Variants in KLF8 observed in about 807,000 individuals in gnomAD.
KLF8 encodes Krueppel-like factor 8.
In KLF8, 10 loss-of-function variants were observed where a neutral mutation model predicts 18.2. That is an observed-to-expected ratio of 0.55 (90% confidence interval 0.34 to 0.93). The LOEUF (loss-of-function observed/expected upper bound fraction) is 0.93. KLF8 is among the 40% of genes least tolerant of loss of function. The pLI is 0.02. For synonymous variants in KLF8, 109 were observed against 97.3 expected, an observed-to-expected ratio of 1.12 and a Z score of -0.71; for missense variants, 264 against 277.9, an observed-to-expected ratio of 0.95 and a Z score of 0.36.
the KLF8 span, among the ~76,000 whole-genome samples, chrX:55,956,924 G>A: frequency 1.8e-5 from 2 of 111,187 alleles, no homozygotes; most frequent in Non-Finnish European, 3.8e-5. Context: ...GTCCATTTTT[G>A]TTTTGATTTC....
At chrX:56,084,160 C>A in the KLF8 span, among the ~76,000 whole-genome samples, 2 of 111,281 alleles carry the variant, frequency 1.8e-5, no homozygotes, top group Non-Finnish European at 1.9e-5. Flanking sequence ...GTAGGAGGAT[C>A]ACTTGAGCCT....
the KLF8 span, among the ~76,000 whole-genome samples, chrX:55,985,404 T>A: frequency 8.9e-6 from 1 of 112,043 alleles, no homozygotes; most frequent in Non-Finnish European, 1.9e-5. Context: ...TTGCTTGTTA[T>A]TGTCAGGTTT....
the KLF8 span, among the ~76,000 whole-genome samples, chrX:55,919,338 C>A: frequency 8.9e-6 from 1 of 111,840 alleles, no homozygotes; most frequent in Non-Finnish European, 1.9e-5. Context: ...CCAAGAACTA[C>A]CACAGGAACA....
the KLF8 span, among the ~76,000 whole-genome samples, chrX:56,221,967 G>T: frequency 1.4e-4 from 16 of 111,323 alleles, no homozygotes; most frequent in South Asian, 5.7e-3. Flanking sequence ...CGATTGGTCC[G>T]TTTTGACAGG....
At chrX:55,945,279 G>T in the KLF8 span, among the ~76,000 whole-genome samples, 1 of 110,797 alleles carries the variant, frequency 9.0e-6, no homozygotes, top group Non-Finnish European at 1.9e-5. Flanking sequence ...AATAGGTGTG[G>T]TGTGGTGCTG....
the KLF8 span, among the ~76,000 whole-genome samples, chrX:56,106,357 C>T: frequency 8.9e-6 from 1 of 112,232 alleles, no homozygotes; most frequent in African/African-American, 3.2e-5. Context: ...GTACACCAAT[C>T]AGACGTAGAG....
the KLF8 span, among the ~76,000 whole-genome samples, chrX:56,055,012 G>T: frequency 2.7e-5 from 3 of 111,595 alleles, no homozygotes; most frequent in Non-Finnish European, 3.8e-5. Context: ...TTGCCAATGG[G>T]TCTTGGAATT....
the KLF8 span, among the ~76,000 whole-genome samples, chrX:55,957,784 C>T: frequency 1.8e-5 from 2 of 110,813 alleles, no homozygotes; most frequent in African/African-American, 6.5e-5. Context: ...CAGAATATTT[C>T]TATGCAGAAT....
In KLF8 at chrX:56,233,043, C is replaced by T. The variant is rs1782212002; in HGVS notation, c.-292C>T. The T allele has an allele frequency of 2.8e-5, 10 of 358,983 alleles. No individual in the cohort carries two copies. Among genetic ancestry groups the T allele is most frequent in the Admixed American group, 2.6e-4 (6 of 23,117 alleles). The allele number at this position is 358,983 out of a possible 1,213,427, so 29.6% of individuals were successfully genotyped here. On this transcript the variant is annotated 5_prime_UTR_variant, in exon 1 of 6. Transcript: ENST00000468660. ...GATTCTTTTTAGGAAGTCTACTCTG[C>T]CGGCCCCTGATTTTTGGGTTGGATG...
upstream of KLF8, among the ~76,000 whole-genome samples, chrX:56,230,768 G>T (rs1395750067): frequency 9.0e-6 from 1 of 110,871 alleles, no homozygotes; most frequent in Non-Finnish European, 1.9e-5. Context: ...ATATAACTTG[G>T]CATCCAAGTT....
chrX:56,002,299 T>C, the KLF8 span, among the ~76,000 whole-genome samples: 1 of 111,863 alleles, frequency 8.9e-6, no homozygotes, highest in Non-Finnish European at 1.9e-5. Context: ...ACTGTTTTAG[T>C]TTTTACTCAA....
chrX:56,189,341 G>A, the KLF8 span, among the ~76,000 whole-genome samples: 1 of 111,864 alleles, frequency 8.9e-6, no homozygotes, highest in African/African-American at 3.3e-5. Context: ...ACACCAGTTA[G>A]AATGGCAATC....
chrX:56,025,001 A>G, the KLF8 span, among the ~76,000 whole-genome samples: 1 of 112,605 alleles, frequency 8.9e-6, no homozygotes, highest in Admixed American at 9.3e-5. Flanking sequence ...TGAGACTTTT[A>G]GAACCCAGAA....
chrX:56,034,292 T>C, the KLF8 span, among the ~76,000 whole-genome samples: 1 of 112,253 alleles, frequency 8.9e-6, no homozygotes, highest in African/African-American at 3.2e-5. Flanking sequence ...CATTGTATAT[T>C]ATTGGCATCT....
chrX:56,174,554 T>A, the KLF8 span, among the ~76,000 whole-genome samples: 1 of 111,757 alleles, frequency 8.9e-6, no homozygotes, highest in South Asian at 3.7e-4. Context: ...CGTCTAAAAT[T>A]CTCTTTTTTT....
the KLF8 span, among the ~76,000 whole-genome samples, chrX:56,189,245 A>T: frequency 8.9e-6 from 1 of 112,376 alleles, no homozygotes; most frequent in Non-Finnish European, 1.9e-5. Context: ...AAAGACATTT[A>T]TGCAGCCAAA....
the KLF8 span, among the ~76,000 whole-genome samples, chrX:56,053,685 C>G: frequency 1.8e-5 from 2 of 108,886 alleles, no homozygotes; most frequent in Admixed American, 2.0e-4. Flanking sequence ...ACTTTTGGTG[C>G]TCATTATTGG....
intron 5 of KLF8, among the ~76,000 whole-genome samples, chrX:56,271,681 G>A (rs752146862): frequency 1.5e-3 from 170 of 111,542 alleles, no homozygotes; most frequent in Admixed American, 2.9e-3. Flanking sequence ...TGATGTATTT[G>A]TTTGCTTCTC....
the KLF8 span, among the ~76,000 whole-genome samples, chrX:56,047,255 T>C: frequency 6.3e-5 from 7 of 110,647 alleles, no homozygotes; most frequent in African/African-American, 2.3e-4. Context: ...CTTTTTTGTT[T>C]ATTTTTTTCG....
Sources: gnomAD v4.1 joint callset for allele counts (sites outside exome capture counted in the v4.1 genomes callset) on GRCh38, gnomAD v4.1.1 for gene constraint, MANE v1.5 for transcripts, NCBI Gene and HGNC (gene_info 2026-07-23, HGNC 2026-07-21) for gene names.